IARS2: variants seen among roughly 807,000 people sequenced by gnomAD.
IARS2 encodes isoleucyl-tRNA synthetase 2, mitochondrial, also known as isoleucine--tRNA ligase, mitochondrial.
Under a neutral mutation model 126.3 loss-of-function variants are expected in IARS2, and 56 were observed. That is an observed-to-expected ratio of 0.44 (90% confidence interval 0.36 to 0.55). The LOEUF (loss-of-function observed/expected upper bound fraction) is 0.55, where lower values mean the gene tolerates loss of function less well. IARS2 is among the 20% of genes least tolerant of loss of function. The probability of loss-of-function intolerance (pLI) is 0.00; values close to 1 mark genes in which losing one functional copy is unlikely to be tolerated. For synonymous variants in IARS2, 407 were observed against 441.1 expected (o/e 0.92, Z 0.97); for missense variants, 1,127 against 1,245.9 (o/e 0.90, Z 1.44).
chr1:220,133,079 C>G (rs1657302481), intron 14 of IARS2, among the ~76,000 whole-genome samples: 1 of 151,540 alleles, frequency 6.6e-6, no homozygotes, highest in South Asian at 2.1e-4. Context: ...GGCACAATCT[C>G]TGCCCACTGT....
intron 16 of IARS2, among the ~76,000 whole-genome samples, chr1:220,137,466 G>T (rs1421336415): frequency 2.0e-5 from 3 of 152,104 alleles, no homozygotes; most frequent in Non-Finnish European, 4.4e-5. Flanking sequence ...TAAATCATTT[G>T]TCTGTTTTTT....
At chr1:220,111,662 A>C (rs1318724130) in intron 11 of IARS2, among the ~76,000 whole-genome samples, 1 of 150,982 alleles carries the variant, frequency 6.6e-6, no homozygotes, top group Non-Finnish European at 1.5e-5. Context: ...TTAATGAAAG[A>C]GCTTAAATAT....
intron 12 of IARS2, among the ~76,000 whole-genome samples, chr1:220,124,572 C>T (rs1340205384): frequency 1.3e-5 from 2 of 152,114 alleles, no homozygotes; most frequent in African/African-American, 2.4e-5. Flanking sequence ...GAAGGGAAAG[C>T]TAGGTCTTAA....
intron 2 of IARS2, among the ~76,000 whole-genome samples, chr1:220,099,276 G>A (rs1216451379): frequency 1.3e-5 from 2 of 150,428 alleles, no homozygotes; most frequent in Non-Finnish European, 3.0e-5. Flanking sequence ...ACATAGGTAA[G>A]TTAAAATTTT....
At chr1:220,106,279 T>C (rs1457837427) in intron 9 of IARS2, among the ~76,000 whole-genome samples, 2 of 152,214 alleles carry the variant, frequency 1.3e-5, no homozygotes, top group African/African-American at 2.4e-5. Flanking sequence ...GAAGAATATA[T>C]ATCATGGGGC....
At chr1:220,096,508 G>C (rs1037656782) in intron 2 of IARS2, among the ~76,000 whole-genome samples, 4 of 152,206 alleles carry the variant, frequency 2.6e-5, no homozygotes, top group African/African-American at 9.6e-5. Flanking sequence ...CAAAAAAAAG[G>C]TATGTCTTGG....
chr1:220,113,444 A>G (rs905315761), intron 11 of IARS2, among the ~76,000 whole-genome samples: 2 of 152,150 alleles, frequency 1.3e-5, no homozygotes, highest in African/African-American at 2.4e-5. Flanking sequence ...GGATAGAAAG[A>G]TTTTTTAAAA....
intron 14 of IARS2, among the ~76,000 whole-genome samples, chr1:220,131,949 C>T (rs960648056): frequency 6.6e-6 from 1 of 152,012 alleles, no homozygotes; most frequent in African/African-American, 2.4e-5. Flanking sequence ...AGGCATCCAC[C>T]ACCATGCCTG....
At chr1:220,131,801 T>C (rs1657274198) in intron 14 of IARS2, among the ~76,000 whole-genome samples, 1 of 149,124 alleles carries the variant, frequency 6.7e-6, no homozygotes, top group Non-Finnish European at 1.5e-5. Flanking sequence ...GAATTTTTTT[T>C]TTTTTTTTTT....
chr1:220,114,116 C>T (rs1379016470), intron 11 of IARS2, among the ~76,000 whole-genome samples, 198 bp from the exon 12 acceptor site: 1 of 152,112 alleles, frequency 6.6e-6, no homozygotes, highest in Non-Finnish European at 1.5e-5. Context: ...TTATTAAGTT[C>T]TTCGCGGCTC....
chr1:220,142,533 TAAAAC>T (rs1418518813), intron 20 of IARS2, among the ~76,000 whole-genome samples: 4 of 152,224 alleles, frequency 2.6e-5, no homozygotes, highest in Admixed American at 2.0e-4. Flanking sequence ...TAGGTTGTAT[TAAAAC>T]AAAATATAGT....
intron 12 of IARS2, among the ~76,000 whole-genome samples, chr1:220,124,469 G>A (rs1381548076): frequency 6.6e-6 from 1 of 152,162 alleles, no homozygotes; most frequent in African/African-American, 2.4e-5. Flanking sequence ...GGGATCTTGT[G>A]TATTTTGCCA....
chr1:220,143,904 A>G, intron 21 of IARS2: 1 of 814,002 alleles, frequency 1.2e-6, no homozygotes, highest in Non-Finnish European at 2.0e-6. Context: ...ATTGGCAATG[A>G]ATATAATTTT....
intron 19 of IARS2, among the ~76,000 whole-genome samples, chr1:220,140,750 C>A (rs1014546599): frequency 6.6e-6 from 1 of 151,550 alleles, no homozygotes; most frequent in Non-Finnish European, 1.5e-5. Context: ...TTTGGGAGGC[C>A]GAGGCGGGCG....
intron 1 of IARS2, among the ~76,000 whole-genome samples, chr1:220,094,708 C>T (rs1042809719): frequency 2.0e-5 from 3 of 152,194 alleles, no homozygotes; most frequent in Non-Finnish European, 4.4e-5. Context: ...TGGAGCGGGA[C>T]ATTAAGGGGT....
At chr1:220,135,762 T>C (rs1657360770) in intron 15 of IARS2, among the ~76,000 whole-genome samples, 1 of 152,058 alleles carries the variant, frequency 6.6e-6, no homozygotes, top group African/African-American at 2.4e-5. Context: ...GAGATGATAA[T>C]CTGCTCTTTT....
At position 220,140,690 on chromosome 1, in the gene IARS2, A is replaced by G. The variant is rs187307568; in HGVS notation, c.2414+401A>G. 6.3e-3 allele frequency among the ~76,000 whole-genome samples: 956 copies of G among 151,580 alleles called. 7 individuals are homozygous for G. Among genetic ancestry groups the G allele is most frequent in the African/African-American group, 0.022 (899 of 41,300 alleles). ...GATGGGCAGTGTTGTGCAGTTATTA[A>G]GATTGGGTTCCGGGCCAGGCGTGGT... On this transcript the variant is annotated intron_variant, in intron 19 of 22. Transcript: ENST00000366922.
intron 9 of IARS2, among the ~76,000 whole-genome samples, chr1:220,106,778 G>A (rs904434798): frequency 5.3e-5 from 8 of 151,732 alleles, no homozygotes; most frequent in Admixed American, 2.6e-4. Context: ...GACTACAGGT[G>A]CACACCACCA....
intron 1 of IARS2, among the ~76,000 whole-genome samples, chr1:220,094,785 A>T (rs2102814502): frequency 6.6e-6 from 1 of 152,320 alleles, no homozygotes; most frequent in African/African-American, 2.4e-5. Context: ...GGCAAAACAG[A>T]TAGACTTTGG....
Sources: gnomAD v4.1 joint callset for allele counts (sites outside exome capture counted in the v4.1 genomes callset) on GRCh38, gnomAD v4.1.1 for gene constraint, MANE v1.5 for transcripts, NCBI Gene and HGNC (gene_info 2026-07-23, HGNC 2026-07-21) for gene names.